BAZ1B: variants seen among roughly 807,000 people sequenced by gnomAD.
BAZ1B encodes bromodomain adjacent to zinc finger domain 1B.
A neutral mutation model predicts 153.8 loss-of-function variants in BAZ1B; 22 were observed. The observed-to-expected ratio is 0.14, with a 90% CI of 0.10 to 0.20. The LOEUF is 0.20. Among genes scored for constraint, BAZ1B ranks in the 10% least tolerant of loss-of-function variants. BAZ1B has a pLI of 1.00. For missense variants in BAZ1B, 1,325 were observed against 1,799.3 expected (o/e 0.74, Z 4.77); for synonymous variants, 676 against 633.4 (o/e 1.07, Z -1.01).
intron 6 of BAZ1B, 133 bp downstream of exon 6, chr7:73,489,061 G>A (rs1219899127): frequency 2.3e-6 from 2 of 871,706 alleles, no homozygotes; most frequent in African/African-American, 3.4e-5. Flanking sequence ...GTATGTAACA[G>A]ATATACCTGA....
intron 13 of BAZ1B, among the ~76,000 whole-genome samples, chr7:73,458,094 T>C (rs1181312833): frequency 1.3e-5 from 2 of 152,190 alleles, no homozygotes; most frequent in Admixed American, 6.5e-5. Flanking sequence ...GTATAGATGG[T>C]ACAGGTGGCA....
chr7:73,508,538 A>T, intron 2 of BAZ1B, 67 bp from the exon 3 acceptor site: 1 of 1,471,696 alleles, frequency 6.8e-7, no homozygotes, highest in Non-Finnish European at 9.2e-7. Context: ...ATTCAAGTCA[A>T]TTCAAACATT....
intron 1 of BAZ1B, among the ~76,000 whole-genome samples, chr7:73,515,466 T>G (rs1293962694): frequency 6.6e-6 from 1 of 152,012 alleles, no homozygotes; most frequent in Admixed American, 6.6e-5. Context: ...GCTCTTTCTT[T>G]GTGCCACTAG....
chr7:73,478,780 CTT>C (rs1789089749), intron 6 of BAZ1B, among the ~76,000 whole-genome samples: 3 of 152,130 alleles, frequency 2.0e-5, no homozygotes, highest in African/African-American at 7.2e-5. Flanking sequence ...GACATCCAGA[CTT>C]AATACTAGAC....
intron 1 of BAZ1B, among the ~76,000 whole-genome samples, chr7:73,519,146 T>G (rs1554579750): frequency 1.3e-5 from 2 of 152,162 alleles, no homozygotes. Flanking sequence ...TTAATGAAGA[T>G]TCACAATATA....
At chr7:73,469,112 A>C (rs1158386704) in intron 9 of BAZ1B, among the ~76,000 whole-genome samples, 2 of 151,324 alleles carry the variant, frequency 1.3e-5, no homozygotes, top group African/African-American at 4.9e-5. Context: ...CCTGGGCAAC[A>C]AGAGTGAAAT....
intron 16 of BAZ1B, 73 bp from the exon 17 acceptor site, chr7:73,444,202 A>AG: frequency 4.1e-6 from 6 of 1,452,878 alleles, no homozygotes; most frequent in Non-Finnish European, 5.5e-6. Context: ...AATGGGGGAA[A>AG]GGGATGCAGG....
At chr7:73,498,174 G>C (rs1789991596) in intron 4 of BAZ1B, among the ~76,000 whole-genome samples, 1 of 152,030 alleles carries the variant, frequency 6.6e-6, no homozygotes, top group Non-Finnish European at 1.5e-5. Context: ...TGACCAGGCT[G>C]GTCTCGAACT....
At chr7:73,467,356 T>C (rs562111457) in intron 9 of BAZ1B, among the ~76,000 whole-genome samples, 2 of 152,180 alleles carry the variant, frequency 1.3e-5, no homozygotes, top group South Asian at 4.1e-4. Context: ...GTCTTTTCAA[T>C]TGGGTAATTT....
chr7:73,497,284 TAG>T (rs1181566037), intron 4 of BAZ1B, among the ~76,000 whole-genome samples: 1 of 151,976 alleles, frequency 6.6e-6, no homozygotes, highest in East Asian at 1.9e-4. Context: ...AGCACTTTAC[TAG>T]AGAGATGAAC....
chr7:73,489,968 TA>T (rs1294456535), intron 5 of BAZ1B, among the ~76,000 whole-genome samples: 1 of 152,190 alleles, frequency 6.6e-6, no homozygotes, highest in East Asian at 1.9e-4. Flanking sequence ...CAAATGCTTG[TA>T]ATAGCAAAAA....
rs1554571820 is a variant in BAZ1B at position 73,470,386 on chromosome 7, G to T, written c.2691C>A (p.Val897=). The T allele has an allele frequency of 2.5e-6, 4 of 1,614,126 alleles. No individual in the cohort carries two copies. The highest frequency in any genetic ancestry group is 3.4e-6 in the Non-Finnish European group (4 of 1,180,026). The change falls in exon 8 of 20, where the codon GTC becomes GTA. Residue 897 remains valine, a synonymous_variant. Transcript: ENST00000339594. ...FQEGIAKAKL[V]MRRTPIGTDR... is the part of the protein sequence containing the mutation. Reference sequence around the variant, plus strand: ...CTGTGCCAATAGGAGTCCTGCGCATGACTAGTTTGGCCTTGGCAATCCCTT... The same window carrying T: ...CTGTGCCAATAGGAGTCCTGCGCATTACTAGTTTGGCCTTGGCAATCCCTT...
At chr7:73,459,832 C>T in intron 12 of BAZ1B, 114 bp from the exon 13 acceptor site, 1 of 908,394 alleles carries the variant, frequency 1.1e-6, no homozygotes, top group Non-Finnish European at 1.6e-6. Context: ...ATTCATTAAA[C>T]AAAATCGAGA....
intron 11 of BAZ1B, chr7:73,464,046 C>A (rs929904742): frequency 7.0e-6 from 6 of 858,570 alleles, no homozygotes; most frequent in Non-Finnish European, 8.4e-6. Flanking sequence ...CATCTGTATT[C>A]AGACAACACA....
intron 5 of BAZ1B, 61 bp from the exon 6 acceptor site, chr7:73,489,452 ACAAG>A: frequency 6.4e-7 from 1 of 1,554,820 alleles, no homozygotes; most frequent in Non-Finnish European, 8.9e-7. Flanking sequence ...CCAAATGAGA[ACAAG>A]CAATATACGT....
intron 15 of BAZ1B, among the ~76,000 whole-genome samples, chr7:73,449,312 C>A (rs1161082198): frequency 6.6e-6 from 1 of 152,028 alleles, no homozygotes; most frequent in Non-Finnish European, 1.5e-5. Context: ...AAGGTATGAT[C>A]AAGAAGACAG....
At chr7:73,488,621 A>T (rs1789512697) in intron 6 of BAZ1B, among the ~76,000 whole-genome samples, 1 of 151,066 alleles carries the variant, frequency 6.6e-6, no homozygotes, top group African/African-American at 2.4e-5. Flanking sequence ...AATCCCAGCT[A>T]CTCAGGAGGC....
intron 9 of BAZ1B, among the ~76,000 whole-genome samples, chr7:73,468,504 A>T (rs1440592029): frequency 6.6e-6 from 1 of 152,156 alleles, no homozygotes; most frequent in Non-Finnish European, 1.5e-5. Flanking sequence ...TATTTTTTTA[A>T]TTAAAATTTG....
intron 5 of BAZ1B, among the ~76,000 whole-genome samples, 195 bp from the exon 6 acceptor site, chr7:73,489,586 A>G (rs1036351755): frequency 2.6e-5 from 4 of 152,228 alleles, no homozygotes; most frequent in African/African-American, 7.2e-5. Flanking sequence ...AGGCCAAGGT[A>G]TAAAGATTGT....
Sources: allele counts gnomAD v4.1 joint callset (sites outside exome capture counted in the v4.1 genomes callset), GRCh38; gene constraint gnomAD v4.1.1; transcripts MANE v1.5; gene names NCBI Gene and HGNC (gene_info 2026-07-23, HGNC 2026-07-21).